Variants in PDE1A observed in about 807,000 individuals in gnomAD.
The protein encoded by PDE1A is phosphodiesterase 1A, also known as dual specificity calcium/calmodulin-dependent 3',5'-cyclic nucleotide phosphodiesterase 1A.
A neutral mutation model predicts 61.7 loss-of-function variants in PDE1A; 35 were observed. The ratio of observed to expected loss-of-function variants is 0.57; its 90% confidence interval spans 0.43 to 0.75. The LOEUF (loss-of-function observed/expected upper bound fraction) is 0.75, where lower values mean the gene tolerates loss of function less well. Among genes scored for constraint, PDE1A ranks in the 30% least tolerant of loss-of-function variants. The probability of loss-of-function intolerance (pLI) is 0.00; values close to 1 mark genes in which losing one functional copy is unlikely to be tolerated. For missense variants in PDE1A, 597 were observed against 630.6 expected (o/e 0.95, Z 0.57); for synonymous variants, 232 against 213.2 (o/e 1.09, Z -0.77).
the PDE1A span, among the ~76,000 whole-genome samples, chr2:182,567,525 G>A: frequency 3.9e-4 from 59 of 152,036 alleles, 1 homozygote; most frequent in Middle Eastern, 3.4e-3. Context: ...ATGTCTTCTC[G>A]TCTTCCTTCC....
rs923131789 is a variant in PDE1A at position 182,204,110 on chromosome 2, GA to G, written c.902+1829del. Among the ~76,000 whole-genome samples, 163 of 142,762 alleles carry G rather than the reference GA, an allele frequency of 1.1e-3. 1 individual carries two copies. Among genetic ancestry groups the G allele is most frequent in the Admixed American group, 3.9e-3 (53 of 13,742 alleles). 93.7% of individuals were successfully genotyped at this position (142,762 alleles called of 152,430 possible). A position where few individuals can be genotyped will look rare whatever the true frequency, so the allele number is the denominator to read the frequency against. ...AAATAGCAACAAAGTGAACTTTGAG[GA>G]AAAAATGTTTATTTCTTTGAATAAC... On this transcript the variant is annotated intron_variant, in intron 8 of 13. Coordinates refer to ENST00000351439, the Ensembl canonical transcript of PDE1A.
chr2:182,530,692 A>G, the PDE1A span, among the ~76,000 whole-genome samples: 2 of 152,208 alleles, frequency 1.3e-5, no homozygotes, highest in African/African-American at 4.8e-5. Flanking sequence ...TTCTTCAGAA[A>G]TGAAGGTAAA....
intron 1 of PDE1A, among the ~76,000 whole-genome samples, chr2:182,409,782 C>T (rs1295698258): frequency 6.6e-6 from 1 of 152,118 alleles, no homozygotes; most frequent in African/African-American, 2.4e-5. Context: ...AGGAACATTA[C>T]AATTATATGT....
chr2:182,626,882 T>C, the PDE1A span, among the ~76,000 whole-genome samples: 6 of 26,590 alleles, frequency 2.3e-4, 2 homozygotes, highest in Admixed American at 1.7e-3. Flanking sequence ...CATATATATA[T>C]ACACATATAT....
At position 182,312,424 on chromosome 2, in the gene PDE1A, T is replaced by C. The variant is rs112849709; in HGVS notation, c.54-48010A>G. Among the ~76,000 whole-genome samples, 1,292 of 152,324 alleles carry C rather than the reference T, an allele frequency of 8.5e-3. 20 individuals carry two copies. Among genetic ancestry groups the C allele is most frequent in the South Asian group, 0.067 (324 of 4,822 alleles). On this transcript the variant is annotated intron_variant, in intron 1 of 13. Coordinates refer to ENST00000351439, the Ensembl canonical transcript of PDE1A. ...CTTATAATTTCTCCTAGATGTTTTA[T>C]AGTTTTAGGCTTTACATTTAGACCT...
chr2:182,716,119 C>G, the PDE1A span: 2 of 152,654 alleles, frequency 1.3e-5, no homozygotes, highest in Non-Finnish European at 2.9e-5. Context: ...GGAGCCGGAT[C>G]CCGCGCACAC....
chr2:182,187,040 T>G (rs1685267878), intron 11 of PDE1A, among the ~76,000 whole-genome samples: 1 of 152,208 alleles, frequency 6.6e-6, no homozygotes, highest in African/African-American at 2.4e-5. Flanking sequence ...AATTGAAGGT[T>G]TTTCTCAGGT....
the PDE1A span, among the ~76,000 whole-genome samples, chr2:182,557,464 C>T: frequency 1.3e-5 from 2 of 152,048 alleles, no homozygotes; most frequent in Non-Finnish European, 2.9e-5. Context: ...GTAATCTTAG[C>T]ACTTTGGGAG....
At chr2:182,555,941 T>A in the PDE1A span, among the ~76,000 whole-genome samples, 2 of 111,822 alleles carry the variant, frequency 1.8e-5, no homozygotes, top group African/African-American at 7.1e-5. Context: ...CACTCCAGCC[T>A]GGAGACAGAG....
chr2:182,580,549 G>A, the PDE1A span, among the ~76,000 whole-genome samples: 2 of 152,140 alleles, frequency 1.3e-5, no homozygotes, highest in African/African-American at 2.4e-5. Context: ...CTGCAGGTTA[G>A]AACTTCAGCA....
chr2:182,502,088 G>A (rs1559519973), intron 2 of PDE1A, among the ~76,000 whole-genome samples: 1 of 152,134 alleles, frequency 6.6e-6, no homozygotes, highest in Non-Finnish European at 1.5e-5. Context: ...CCTCTCAGGT[G>A]ACTCCATCTT....
chr2:182,223,345 C>T (rs1179369256), intron 7 of PDE1A, among the ~76,000 whole-genome samples: 1 of 152,026 alleles, frequency 6.6e-6, no homozygotes, highest in Non-Finnish European at 1.5e-5. Flanking sequence ...CCCTAACAGA[C>T]TAACATACTT....
intron 2 of PDE1A, among the ~76,000 whole-genome samples, chr2:182,249,858 C>T (rs1335225465): frequency 6.6e-6 from 1 of 151,944 alleles, no homozygotes; most frequent in Admixed American, 6.6e-5. Context: ...TGCTTTCTTA[C>T]TAAGAACCAG....
the PDE1A span, among the ~76,000 whole-genome samples, chr2:182,590,746 G>T: frequency 6.6e-6 from 1 of 152,162 alleles, no homozygotes; most frequent in South Asian, 2.1e-4. Context: ...ATTAAATATA[G>T]GGAAAACCTG....
At chr2:182,172,484 T>A (rs542898553) in intron 13 of PDE1A, among the ~76,000 whole-genome samples, 252 of 152,042 alleles carry the variant, frequency 1.7e-3, no homozygotes, top group Non-Finnish European at 2.8e-3. Context: ...GTGGTTCTCA[T>A]TGCATAGAGA....
At chr2:182,308,009 A>C (rs1695708369) in intron 1 of PDE1A, among the ~76,000 whole-genome samples, 1 of 152,198 alleles carries the variant, frequency 6.6e-6, no homozygotes, top group African/African-American at 2.4e-5. Context: ...AAGAAAACTA[A>C]ATATAATCGT....
chr2:182,536,212 A>T, the PDE1A span, among the ~76,000 whole-genome samples: 1 of 152,224 alleles, frequency 6.6e-6, no homozygotes, highest in East Asian at 1.9e-4. Context: ...AAAAAGCTAC[A>T]GTTTTCCAAA....
the PDE1A span, among the ~76,000 whole-genome samples, chr2:182,649,233 G>T: frequency 6.6e-6 from 1 of 152,176 alleles, no homozygotes; most frequent in Non-Finnish European, 1.5e-5. Flanking sequence ...CCACTGCCTG[G>T]CGACAGGGTA....
intron 1 of PDE1A, among the ~76,000 whole-genome samples, chr2:182,332,193 G>T (rs1697459392): frequency 6.6e-6 from 1 of 152,080 alleles, no homozygotes. Flanking sequence ...GCATTTTTCA[G>T]CTCCATCAGG....
Sources: gnomAD v4.1 joint callset for allele counts (sites outside exome capture counted in the v4.1 genomes callset) on GRCh38, gnomAD v4.1.1 for gene constraint, MANE v1.5 for transcripts, NCBI Gene and HGNC (gene_info 2026-07-23, HGNC 2026-07-21) for gene names.